The following EPC1 variants were observed in gnomAD, a reference collection of about 807,000 sequenced individuals.
EPC1 encodes enhancer of polycomb 1, also known as enhancer of polycomb homolog 1.
Under a neutral mutation model 98.4 loss-of-function variants are expected in EPC1, and 12 were observed. That is an observed-to-expected ratio of 0.12 (90% CI 0.08 to 0.20). EPC1 has a LOEUF of 0.20. EPC1 is among the 10% of genes least tolerant of loss of function. The pLI is 1.00. For synonymous variants in EPC1, 357 were observed against 363.9 expected (o/e 0.98, Z 0.21); for missense variants, 729 against 990.5 (o/e 0.74, Z 3.54).
At chr10:32,374,222 T>C (rs1437247637) in intron 1 of EPC1, 1 of 152,190 alleles carries the variant, frequency 6.6e-6, no homozygotes, top group Admixed American at 6.5e-5. Context: ...TAGAAATTAT[T>C]ACAGAAGGTT....
intron 1 of EPC1, among the ~76,000 whole-genome samples, chr10:32,327,059 G>A (rs1837330790): frequency 3.8e-5 from 2 of 53,220 alleles, no homozygotes; most frequent in South Asian, 2.0e-3. Context: ...AAGAAAATGT[G>A]GTGACACACA....
At chr10:32,324,173 G>A (rs538727368) in intron 1 of EPC1, among the ~76,000 whole-genome samples, 28 of 151,906 alleles carry the variant, frequency 1.8e-4, no homozygotes, top group African/African-American at 6.5e-4. Flanking sequence ...TCCTAACCTC[G>A]TGATCCGCCC....
At chr10:32,311,249 C>G (rs1191412191) in intron 1 of EPC1, among the ~76,000 whole-genome samples, 1 of 151,298 alleles carries the variant, frequency 6.6e-6, no homozygotes, top group Non-Finnish European at 1.5e-5. Context: ...GGAGGCGGAA[C>G]TTGCAGTGAG....
chr10:32,362,707 C>G (rs1379309151), intron 1 of EPC1, among the ~76,000 whole-genome samples: 1 of 152,178 alleles, frequency 6.6e-6, no homozygotes, highest in Non-Finnish European at 1.5e-5. Flanking sequence ...TCTCTCCCAC[C>G]TGGATAGTTT....
intron 1 of EPC1, among the ~76,000 whole-genome samples, chr10:32,372,739 A>G (rs1839784424): frequency 6.6e-6 from 1 of 152,236 alleles, no homozygotes. Context: ...AAGATAAGTC[A>G]GGCCGGGCGC....
chr10:32,284,068 G>T (rs963023923), intron 10 of EPC1: 3 of 152,042 alleles, frequency 2.0e-5, no homozygotes, highest in Non-Finnish European at 4.4e-5. Context: ...CAATATATAG[G>T]CTTCAAATAA....
chr10:32,345,081 G>C, intron 1 of EPC1: 1 of 905,986 alleles, frequency 1.1e-6, no homozygotes, highest in Non-Finnish European at 1.3e-6. Flanking sequence ...GTAAAACTTA[G>C]AAATAAAAAT....
chr10:32,358,124 G>C (rs1839334176), intron 1 of EPC1, among the ~76,000 whole-genome samples: 1 of 152,014 alleles, frequency 6.6e-6, no homozygotes, highest in Non-Finnish European at 1.5e-5. Flanking sequence ...CAAAGTGGTG[G>C]GATTACAGGC....
At chr10:32,348,577 C>T (rs1159042646), upstream of EPC1, among the ~76,000 whole-genome samples, 1 of 152,186 alleles carries the variant, frequency 6.6e-6, no homozygotes, top group Non-Finnish European at 1.5e-5. Flanking sequence ...TTGCAGTTCT[C>T]CAAAATTATA....
chr10:32,270,821 CAAAAAAAAAAAAAA>C lies in EPC1; in HGVS notation c.2369+719_2369+732del, dbSNP rs55931034. On this transcript the variant is annotated intron_variant, in intron 13 of 13. Coordinates refer to ENST00000319778, the MANE Select transcript of EPC1 (RefSeq NM_001272004.3). ...TGGGCAACAGAGCGAGACTCGGTCT[CAAAAAAAAAAAAAA>C]AAAAAAAAAAAAAAGAATAGCTTAG... 1.2e-4 allele frequency among the ~76,000 whole-genome samples: 7 copies of C among 57,982 alleles called. No homozygotes were observed. The Admixed American group carries it at 1.3e-3, about 11-fold the overall frequency. The allele number at this position is 57,982 out of a possible 152,430, so 38.0% of individuals were successfully genotyped here. A position where few individuals can be genotyped will look rare whatever the true frequency, so the allele number is the denominator to read the frequency against.
chr10:32,305,652 T>C (rs1324578324), intron 2 of EPC1, 120 bp downstream of exon 2: 2 of 711,480 alleles, frequency 2.8e-6, no homozygotes, highest in Non-Finnish European at 4.2e-6. Flanking sequence ...CTACTAACTC[T>C]TAAGCTGATG....
chr10:32,340,571 T>C (rs558959097), intron 1 of EPC1, among the ~76,000 whole-genome samples: 10 of 152,338 alleles, frequency 6.6e-5, no homozygotes, highest in African/African-American at 2.4e-4. Flanking sequence ...GGTTCTCGCC[T>C]ATAATCTCAG....
intron 1 of EPC1, among the ~76,000 whole-genome samples, chr10:32,365,120 T>A (rs752492580): frequency 5.3e-5 from 8 of 152,182 alleles, no homozygotes; most frequent in Non-Finnish European, 1.0e-4. Context: ...AGAGAGGTTA[T>A]GGCCTATTAG....
intron 2 of EPC1, among the ~76,000 whole-genome samples, chr10:32,302,019 A>G (rs190047624): frequency 2.0e-5 from 3 of 152,336 alleles, no homozygotes; most frequent in Admixed American, 2.0e-4. Flanking sequence ...CACGCCTGTA[A>G]TCCCAGCACT....
intron 1 of EPC1, chr10:32,345,660 G>A: frequency 1.0e-6 from 1 of 982,674 alleles, no homozygotes; most frequent in Non-Finnish European, 1.2e-6. Context: ...TTATCCTGGT[G>A]TCCGAACCCA....
At position 32,362,245 on chromosome 10, in the gene EPC1, A is replaced by C. The variant is rs147409235; in HGVS notation, c.3+16246T>G. Among the ~76,000 whole-genome samples, 30 of 152,130 alleles carry C rather than the reference A, an allele frequency of 2.0e-4. No individual in the cohort carries two copies. The East Asian group carries it at 5.8e-3, about 29-fold the overall frequency. ...TGGATGGGGACCCCTTTCTGGTAAC[A>C]AAAGCATGTGATATAGTTTAGATAT... On this transcript the variant is annotated intron_variant, in intron 1 of 13. Transcript: ENST00000375110.
chr10:32,274,823 TG>T (rs1292398643), intron 10 of EPC1, among the ~76,000 whole-genome samples: 1 of 152,128 alleles, frequency 6.6e-6, no homozygotes, highest in Non-Finnish European at 1.5e-5. Flanking sequence ...TACCAAAACT[TG>T]AAGAAAATCT....
At chr10:32,290,643 T>C (rs1162542896) in intron 6 of EPC1, among the ~76,000 whole-genome samples, 1 of 151,998 alleles carries the variant, frequency 6.6e-6, no homozygotes, top group Non-Finnish European at 1.5e-5. Flanking sequence ...TTATCAGATA[T>C]AGTAACAAAA....
upstream of EPC1, among the ~76,000 whole-genome samples, chr10:32,351,384 C>T (rs987378556): frequency 7.9e-5 from 12 of 152,194 alleles, no homozygotes; most frequent in Admixed American, 2.6e-4. Flanking sequence ...CGGCTGGGTG[C>T]GGTGGCTCAT....
Sources: allele counts gnomAD v4.1 joint callset (sites outside exome capture counted in the v4.1 genomes callset), GRCh38; gene constraint gnomAD v4.1.1; transcripts MANE v1.5; gene names NCBI Gene and HGNC (gene_info 2026-07-23, HGNC 2026-07-21).